Variants in GRXCR2 observed in about 807,000 individuals in gnomAD.
The protein encoded by GRXCR2 is glutaredoxin domain-containing cysteine-rich protein 2.
In GRXCR2, 23 loss-of-function variants were observed where a neutral mutation model predicts 24.8. The observed-to-expected ratio is 0.93, with a 90% CI of 0.67 to 1.32. The LOEUF (loss-of-function observed/expected upper bound fraction) is 1.32. GRXCR2 is among the 40% of genes most tolerant of loss of function. The pLI, the probability that GRXCR2 is intolerant of heterozygous loss-of-function variation, is 0.00. For synonymous variants in GRXCR2, 130 were observed against 116.1 expected, an observed-to-expected ratio of 1.12 and a Z score of -0.77; for missense variants, 315 against 303.4, an observed-to-expected ratio of 1.04 and a Z score of -0.28.
chr5:145,878,244 T>C (rs1353210017), intron 2 of GRXCR2, among the ~76,000 whole-genome samples: 1 of 151,772 alleles, frequency 6.6e-6, no homozygotes, highest in Non-Finnish European at 1.5e-5. Context: ...ATAACAAACT[T>C]CTCCGAGCTA....
chr5:145,897,521 C>T (rs1756967904), intron 2 of GRXCR2, among the ~76,000 whole-genome samples: 1 of 151,976 alleles, frequency 6.6e-6, no homozygotes, highest in Non-Finnish European at 1.5e-5. Flanking sequence ...ATACATTCTT[C>T]TAATCTGTAC....
At chr5:145,928,904 TA>T (rs76082631) in intron 2 of GRXCR2, among the ~76,000 whole-genome samples, 27,631 of 150,114 alleles carry the variant, frequency 0.18, 2,770 homozygotes, top group Non-Finnish European at 0.23. Context: ...TAAAGTATAA[TA>T]AAAAAAAAGT....
chr5:145,883,788 T>C (rs182237366), intron 2 of GRXCR2, among the ~76,000 whole-genome samples: 272 of 152,008 alleles, frequency 1.8e-3, no homozygotes, highest in Non-Finnish European at 3.1e-3. Context: ...GGGGCTGAGG[T>C]GGAGTGAAAG....
intron 2 of GRXCR2, among the ~76,000 whole-genome samples, chr5:145,920,229 T>C (rs751954378): frequency 6.6e-6 from 1 of 152,142 alleles, no homozygotes; most frequent in Non-Finnish European, 1.5e-5. Context: ...CTGCCTGGTG[T>C]TTACTGTTGC....
chr5:145,880,841 C>T (rs1056171617), intron 2 of GRXCR2, among the ~76,000 whole-genome samples: 11 of 152,112 alleles, frequency 7.2e-5, no homozygotes, highest in Admixed American at 6.6e-4. Context: ...ATGATCAAGT[C>T]GGCTTCATCC....
chr5:145,872,956 C>G lies in GRXCR2; in HGVS notation c.13G>C (p.Glu5Gln). The G allele has an allele frequency of 6.2e-7, 1 of 1,613,962 alleles. No individual in the cohort carries two copies. The highest frequency in any genetic ancestry group is 1.3e-5 in the African/African-American group (1 of 75,068). Residue 5 changes from glutamate (E) to glutamine (Q), a missense_variant, in exon 1 of 3, where the codon GAG (glutamate) becomes CAG (glutamine). Physicochemically the swap from Glu to Gln is conservative, Grantham distance 29. Coordinates refer to ENST00000377976, the MANE Select transcript of GRXCR2 (RefSeq NM_001080516.2). ...TCACTCTTCTGATTCAGCTTTTTCT[C>G]AGGGTCCTCCATCAGCAGAAAGTTG... MEDP[E>Q]KKLNQKSDGK...
At chr5:145,859,987 CACTAG>C in intron 2 of GRXCR2, 72 bp from the exon 3 acceptor site, 1 of 1,247,656 alleles carries the variant, frequency 8.0e-7, no homozygotes, top group Non-Finnish European at 1.1e-6. Context: ...GTCAAAACAG[CACTAG>C]ACTACAGCAA....
At chr5:145,859,946 G>A in intron 2 of GRXCR2, 31 bp from the exon 3 acceptor site, 1 of 1,521,828 alleles carries the variant, frequency 6.6e-7, no homozygotes, top group South Asian at 1.3e-5. Flanking sequence ...TTTAGTTAAA[G>A]CAGCAGTTCA....
intron 2 of GRXCR2, among the ~76,000 whole-genome samples, chr5:145,865,072 G>C (rs1434742862): frequency 6.6e-6 from 1 of 152,154 alleles, no homozygotes; most frequent in Non-Finnish European, 1.5e-5. Context: ...GGTGCCTCTT[G>C]TCTAAGGCCA....
chr5:145,892,973 A>G (rs1266106913), intron 2 of GRXCR2, among the ~76,000 whole-genome samples: 1 of 152,224 alleles, frequency 6.6e-6, no homozygotes, highest in Non-Finnish European at 1.5e-5. Context: ...GTGGGGGCCA[A>G]TATTCAACAT....
At chr5:145,858,359 C>G (rs1233383869), downstream of GRXCR2, among the ~76,000 whole-genome samples, 2 of 151,072 alleles carry the variant, frequency 1.3e-5, no homozygotes, top group Non-Finnish European at 2.9e-5. Flanking sequence ...AACATCCCTC[C>G]TTCCTCTAGT....
rs1178550682 is a variant in GRXCR2 at position 145,872,837 on chromosome 5, T to C, written c.132A>G (p.Ser44=). 5 of 1,614,152 alleles carry C rather than the reference T, an allele frequency of 3.1e-6. No individual in the cohort carries two copies. The highest frequency in any genetic ancestry group is 2.5e-6 in the Non-Finnish European group (3 of 1,180,018). The change falls in exon 1 of 3, where the codon TCA becomes TCG. Residue 44 remains serine (S), a synonymous_variant. Transcript: ENST00000377976. ...QVFEDGQELE[S]PKEEYPHSFL... Reference sequence around the variant, plus strand: ...AACTGTGAGGGTATTCCTCCTTTGGTGACTCTAATTCCTGCCCATCCTCAA... The same window carrying C: ...AACTGTGAGGGTATTCCTCCTTTGGCGACTCTAATTCCTGCCCATCCTCAA...
At chr5:145,888,507 G>A (rs545913862) in intron 2 of GRXCR2, among the ~76,000 whole-genome samples, 1 of 152,190 alleles carries the variant, frequency 6.6e-6, no homozygotes, top group South Asian at 2.1e-4. Flanking sequence ...CTTGATCTAG[G>A]AGAATGTAAC....
upstream of GRXCR2, among the ~76,000 whole-genome samples, chr5:145,876,110 C>T (rs969589765): frequency 4.7e-5 from 7 of 148,886 alleles, no homozygotes; most frequent in African/African-American, 1.7e-4. Flanking sequence ...GAGGCTAAAG[C>T]CAGCTACAAT....
intron 2 of GRXCR2, among the ~76,000 whole-genome samples, chr5:145,928,150 A>T (rs899552978): frequency 2.0e-5 from 3 of 151,982 alleles, no homozygotes; most frequent in African/African-American, 7.2e-5. Flanking sequence ...ACACATGAAA[A>T]AATGCTCATC....
intron 2 of GRXCR2, among the ~76,000 whole-genome samples, chr5:145,895,927 T>A (rs563511474): frequency 4.6e-5 from 7 of 152,042 alleles, no homozygotes; most frequent in Non-Finnish European, 1.0e-4. Flanking sequence ...CTGGTACCAA[T>A]ACAGAGATAT....
chr5:145,889,172 A>AAAAAAAAAAAAGAAAG (rs757883920), intron 2 of GRXCR2, among the ~76,000 whole-genome samples: 5 of 84,048 alleles, frequency 5.9e-5, no homozygotes, highest in Middle Eastern at 6.0e-3. Context: ...CTGTCTCAAA[A>AAAAAAAAAAAAGAAAG]AAAGAAAGAA....
At chr5:145,882,624 A>G (rs1346296229) in intron 2 of GRXCR2, among the ~76,000 whole-genome samples, 2 of 152,110 alleles carry the variant, frequency 1.3e-5, no homozygotes, top group African/African-American at 2.4e-5. Flanking sequence ...CGATTCCTCA[A>G]GGATCTAGAA....
chr5:145,898,105 T>C (rs929211044), intron 2 of GRXCR2, among the ~76,000 whole-genome samples: 1 of 151,742 alleles, frequency 6.6e-6, no homozygotes, highest in Admixed American at 6.6e-5. Context: ...AATATCCAAA[T>C]AAGCACAATC....
Sources: allele counts gnomAD v4.1 joint callset (sites outside exome capture counted in the v4.1 genomes callset), GRCh38; gene constraint gnomAD v4.1.1; transcripts MANE v1.5; gene names NCBI Gene and HGNC (gene_info 2026-07-23, HGNC 2026-07-21).